PLA2G4E: variants seen among roughly 807,000 people sequenced by gnomAD.
PLA2G4E encodes phospholipase A2 group IVE.
PLA2G4E carries 84 observed loss-of-function variants against 109.1 expected under a neutral mutation model. The observed-to-expected ratio is 0.77, with a 90% CI of 0.65 to 0.92. PLA2G4E has a LOEUF of 0.92. Ranked by LOEUF, PLA2G4E falls within the 40% of genes least tolerant of loss-of-function variation. The pLI is 0.00. For synonymous variants in PLA2G4E, 469 were observed against 436.1 expected, an observed-to-expected ratio of 1.08 and a Z score of -0.94; for missense variants, 1,057 against 1,076.6, an observed-to-expected ratio of 0.98 and a Z score of 0.25.
chr15:41,992,775 A>G, exon 13 of PLA2G4E: 1 of 1,613,096 alleles, frequency 6.2e-7, no homozygotes, highest in South Asian at 1.1e-5. Context: ...AGGCCCCAGA[A>G]GTCTGTAAAG....
At chr15:42,006,154 C>G in intron 3 of PLA2G4E, 33 bp from the exon 4 acceptor site, 1 of 1,611,762 alleles carries the variant, frequency 6.2e-7, no homozygotes, top group Non-Finnish European at 8.5e-7. Context: ...AGTCTGGTTA[C>G]CACGGTTGCA....
intron 1 of PLA2G4E, 125 bp from the exon 2 acceptor site, chr15:42,013,882 GTTTTTTTT>G (rs10539531): frequency 2.8e-4 from 37 of 134,230 alleles, no homozygotes; most frequent in East Asian, 1.9e-3. Context: ...CCCTAGGCTG[GTTTTTTTT>G]TTTTTTTTTT....
chr15:41,988,925 G>A (rs1231325379), intron 15 of PLA2G4E, among the ~76,000 whole-genome samples: 2 of 152,198 alleles, frequency 1.3e-5, no homozygotes, highest in African/African-American at 2.4e-5. Flanking sequence ...ATGTGGGTCT[G>A]TTTCTGAAGA....
At chr15:42,000,348 G>C (rs2068404374) in intron 7 of PLA2G4E, 66 bp from the exon 8 acceptor site, 1 of 1,426,784 alleles carries the variant, frequency 7.0e-7, no homozygotes, top group Admixed American at 2.3e-5. Context: ...ACTTGGTCCA[G>C]CAAAAAACCT....
intron 1 of PLA2G4E, among the ~76,000 whole-genome samples, chr15:42,037,799 A>G (rs2141074833): frequency 6.6e-6 from 1 of 152,326 alleles, no homozygotes; most frequent in South Asian, 2.1e-4. Flanking sequence ...CATTCCCTGG[A>G]GCCAGCTGTG....
At chr15:42,040,190 A>ACACACACACACACG (rs1046702699) in intron 1 of PLA2G4E, among the ~76,000 whole-genome samples, 1 of 151,316 alleles carries the variant, frequency 6.6e-6, no homozygotes, top group Non-Finnish European at 1.5e-5. Flanking sequence ...AAACTTTAAA[A>ACACACACACACACG]CACACACACA....
At chr15:42,007,543 A>G (rs934716525) in intron 3 of PLA2G4E, among the ~76,000 whole-genome samples, 186 bp downstream of exon 3, 1 of 152,160 alleles carries the variant, frequency 6.6e-6, no homozygotes, top group Non-Finnish European at 1.5e-5. Flanking sequence ...AGACTCAGAG[A>G]GGGGCAAACA....
intron 1 of PLA2G4E, among the ~76,000 whole-genome samples, chr15:42,039,964 T>C (rs1374172796): frequency 6.6e-6 from 1 of 151,954 alleles, no homozygotes; most frequent in Non-Finnish European, 1.5e-5. Flanking sequence ...AAAATGAAAA[T>C]GAAAAAATGT....
At chr15:42,031,268 C>G (rs956246689) in intron 1 of PLA2G4E, among the ~76,000 whole-genome samples, 3 of 152,194 alleles carry the variant, frequency 2.0e-5, no homozygotes, top group African/African-American at 7.2e-5. Flanking sequence ...CGCACACAGT[C>G]ACAAAGTTCC....
chr15:42,027,285 A>G (rs1364947283), intron 1 of PLA2G4E, among the ~76,000 whole-genome samples: 1 of 152,188 alleles, frequency 6.6e-6, no homozygotes, highest in Non-Finnish European at 1.5e-5. Flanking sequence ...ACACAGTAAA[A>G]TGATTGCCTT....
At position 42,050,421 on chromosome 15, in the gene PLA2G4E, C is replaced by A. The variant is rs1419399555; in HGVS notation, c.183+100G>T. ...AGAAAGAAATGAACAAAAACCACAA[C>A]CTCTTAACTCTGCAGCAATGCAGGT... is the stretch of plus-strand genomic sequence containing the variant. On this transcript the variant is annotated intron_variant, in intron 1 of 19. Transcript: ENST00000399518. 3 of 1,359,426 alleles carry A rather than the reference C, an allele frequency of 2.2e-6. No homozygotes were observed. The South Asian group carries it at 4.5e-5, about 20-fold the overall frequency. 84.2% of individuals were successfully genotyped at this position (1,359,426 alleles called of 1,614,324 possible).
intron 1 of PLA2G4E, among the ~76,000 whole-genome samples, chr15:42,043,420 C>T (rs545690082): frequency 1.3e-5 from 2 of 151,630 alleles, no homozygotes; most frequent in East Asian, 3.9e-4. Context: ...ATCCACTCGG[C>T]CTTTCTCAGA....
chr15:42,002,831 C>A, intron 5 of PLA2G4E, 135 bp from the exon 6 acceptor site: 2 of 870,508 alleles, frequency 2.3e-6, no homozygotes, highest in Non-Finnish European at 3.7e-6. Context: ...ATACTAGCTT[C>A]GGAAACCTTA....
At chr15:41,987,664 C>G (rs1041216613) in intron 16 of PLA2G4E, among the ~76,000 whole-genome samples, 5 of 152,142 alleles carry the variant, frequency 3.3e-5, no homozygotes, top group Non-Finnish European at 4.4e-5. Flanking sequence ...ATAGACCCTA[C>G]TCTCCTCACT....
At chr15:41,984,697 C>G in intron 18 of PLA2G4E, 78 bp from the exon 19 acceptor site, 5 of 1,312,646 alleles carry the variant, frequency 3.8e-6, no homozygotes, top group Non-Finnish European at 1.0e-6. Context: ...TTAGCCCCAG[C>G]TTCCTGATTT....
At chr15:42,042,154 G>C (rs1342811170) in intron 1 of PLA2G4E, among the ~76,000 whole-genome samples, 2 of 152,138 alleles carry the variant, frequency 1.3e-5, no homozygotes, top group Non-Finnish European at 2.9e-5. Context: ...ATGTTATGTA[G>C]CCATTTTCAA....
chr15:41,991,505 G>A (rs1027664618), intron 13 of PLA2G4E, among the ~76,000 whole-genome samples: 1 of 119,130 alleles, frequency 8.4e-6, no homozygotes, highest in Admixed American at 9.8e-5. Flanking sequence ...TAAGTGGTGG[G>A]TTATCACAGG....
At chr15:42,039,167 A>G (rs1225366997) in intron 1 of PLA2G4E, among the ~76,000 whole-genome samples, 1 of 152,210 alleles carries the variant, frequency 6.6e-6, no homozygotes, top group Non-Finnish European at 1.5e-5. Context: ...ACACTTATGA[A>G]TATACAGCAG....
At chr15:42,016,708 G>A (rs2068598725) in intron 1 of PLA2G4E, among the ~76,000 whole-genome samples, 2 of 152,122 alleles carry the variant, frequency 1.3e-5, no homozygotes, top group Admixed American at 6.5e-5. Flanking sequence ...CCCCTTTTAA[G>A]GTCTCTTCTC....
Sources: allele counts gnomAD v4.1 joint callset (sites outside exome capture counted in the v4.1 genomes callset), GRCh38; gene constraint gnomAD v4.1.1; transcripts MANE v1.5; gene names NCBI Gene and HGNC (gene_info 2026-07-23, HGNC 2026-07-21).